MGAT4C: variants seen among roughly 807,000 people sequenced by gnomAD.
MGAT4C encodes alpha-1,3-mannosyl-glycoprotein 4-beta-N-acetylglucosaminyltransferase C.
MGAT4C carries 19 observed loss-of-function variants against 40.1 expected under a neutral mutation model. That is an observed-to-expected ratio of 0.47 (90% CI 0.33 to 0.70). The LOEUF (loss-of-function observed/expected upper bound fraction) is 0.70, where lower values mean the gene tolerates loss of function less well. Among genes scored for constraint, MGAT4C ranks in the 30% least tolerant of loss-of-function variants. The pLI, the probability that MGAT4C is intolerant of heterozygous loss-of-function variation, is 0.02. For missense variants in MGAT4C, 491 were observed against 563.2 expected, an observed-to-expected ratio of 0.87 and a Z score of 1.30; for synonymous variants, 181 against 187.1, an observed-to-expected ratio of 0.97 and a Z score of 0.27.
In MGAT4C at chr12:86,057,363, G is replaced by T. The variant is rs375232322; in HGVS notation, c.-56-7640C>A. 1.2e-4 allele frequency among the ~76,000 whole-genome samples: 19 copies of T among 152,086 alleles called. No homozygotes were observed. The East Asian group carries it at 3.5e-3, about 28-fold the overall frequency. The stretch of plus-strand genomic sequence containing the variant: ...AACTCTGCTGCCAAAAGGAAATTCT[G>T]GTCAGATCCCTCTTTTTTCTGATCC... On this transcript the variant is annotated intron_variant, in intron 1 of 4. Coordinates refer to ENST00000611864, the MANE Select transcript of MGAT4C (RefSeq NM_001351288.2).
intron 1 of MGAT4C, among the ~76,000 whole-genome samples, chr12:86,785,422 A>T (rs541186608): frequency 2.0e-5 from 3 of 152,196 alleles, no homozygotes; most frequent in South Asian, 4.1e-4. Context: ...CTTCCTGAAA[A>T]TTAAATACTT....
At chr12:85,980,831 T>C (rs1884506033) in intron 4 of MGAT4C, among the ~76,000 whole-genome samples, 1 of 152,106 alleles carries the variant, frequency 6.6e-6, no homozygotes, top group South Asian at 2.1e-4. Flanking sequence ...AAAATGCTTT[T>C]TCTCTTTTGC....
intron 1 of MGAT4C, among the ~76,000 whole-genome samples, chr12:86,161,120 A>G (rs1365833932): frequency 6.6e-6 from 1 of 152,146 alleles, no homozygotes. Context: ...TTTCTTTCAA[A>G]CTACCAACAT....
At chr12:86,383,507 C>T (rs906058721) in intron 3 of MGAT4C, among the ~76,000 whole-genome samples, 14 of 136,992 alleles carry the variant, frequency 1.0e-4, no homozygotes, top group Admixed American at 4.0e-4. Flanking sequence ...GCCAAGATCA[C>T]GCCGCTGCAC....
At chr12:86,408,560 T>A (rs2136243289) in intron 3 of MGAT4C, among the ~76,000 whole-genome samples, 1 of 147,474 alleles carries the variant, frequency 6.8e-6, no homozygotes, top group East Asian at 2.0e-4. Context: ...TTATTTTATA[T>A]TTTTTAAATT....
chr12:86,247,901 T>A (rs1025542762), intron 1 of MGAT4C, among the ~76,000 whole-genome samples: 1 of 151,768 alleles, frequency 6.6e-6, no homozygotes, highest in Non-Finnish European at 1.5e-5. Context: ...GGGAAAGGAG[T>A]GTCATGTTCA....
intron 1 of MGAT4C, among the ~76,000 whole-genome samples, chr12:86,755,624 C>CTCCT (rs982949079): frequency 1.4e-5 from 2 of 141,662 alleles, no homozygotes; most frequent in South Asian, 2.2e-4. Flanking sequence ...CTTTCTCTCT[C>CTCCT]TCCTTCCTTC....
chr12:86,787,420 G>A (rs1483428063), intron 1 of MGAT4C, among the ~76,000 whole-genome samples: 1 of 151,858 alleles, frequency 6.6e-6, no homozygotes, highest in East Asian at 1.9e-4. Context: ...TGTGAATAGT[G>A]CTGCAATAAA....
intron 1 of MGAT4C, among the ~76,000 whole-genome samples, chr12:86,180,199 G>C (rs1887956772): frequency 6.6e-6 from 1 of 152,228 alleles, no homozygotes; most frequent in South Asian, 2.1e-4. Flanking sequence ...GAGCCTGTGG[G>C]TACACAGAAG....
intron 2 of MGAT4C, among the ~76,000 whole-genome samples, chr12:86,542,160 C>T (rs771996989): frequency 1.3e-5 from 2 of 152,014 alleles, no homozygotes; most frequent in Admixed American, 1.3e-4. Context: ...GAATCTGAAA[C>T]GCTGGGGAAA....
chr12:86,292,874 C>G (rs919650379), intron 4 of MGAT4C, among the ~76,000 whole-genome samples: 2 of 149,430 alleles, frequency 1.3e-5, no homozygotes, highest in Non-Finnish European at 3.0e-5. Context: ...TTTGGGACTT[C>G]TAAATTATAA....
chr12:86,784,060 C>G (rs1404718417), intron 1 of MGAT4C, among the ~76,000 whole-genome samples: 4 of 152,060 alleles, frequency 2.6e-5, no homozygotes, highest in African/African-American at 9.7e-5. Context: ...TGCCATGACT[C>G]CACCTCCACC....
intron 2 of MGAT4C, among the ~76,000 whole-genome samples, chr12:86,472,396 A>G (rs945712035): frequency 6.6e-6 from 1 of 152,124 alleles, no homozygotes; most frequent in Non-Finnish European, 1.5e-5. Flanking sequence ...TGGTGACCAG[A>G]TCCTTTTTTG....
chr12:86,447,537 T>C (rs180912570), intron 2 of MGAT4C, among the ~76,000 whole-genome samples: 1 of 152,166 alleles, frequency 6.6e-6, no homozygotes, highest in South Asian at 2.1e-4. Flanking sequence ...TTACCCTTCA[T>C]GAGTACCAGT....
At chr12:85,985,739 GT>G (rs960286007) in intron 3 of MGAT4C, among the ~76,000 whole-genome samples, 3 of 151,960 alleles carry the variant, frequency 2.0e-5, no homozygotes, top group African/African-American at 7.2e-5. Flanking sequence ...TTTCATTGGT[GT>G]TTACCTGCAT....
Position 85,956,068 on chromosome 12 carries a change from T to C in MGAT4C, c.*23221A>G, listed in dbSNP as rs1278960631. On this transcript the variant is annotated 3_prime_UTR_variant, in exon 5 of 5. Coordinates refer to ENST00000611864, the MANE Select transcript of MGAT4C (RefSeq NM_001351288.2). ...AAGTCTGATTTTTACAAAACTAGAT[T>C]AATGAAAAATCACGACTGAAATCAC... is the stretch of plus-strand genomic sequence containing the variant. The C allele has an allele frequency of 6.6e-6, 1 of 152,210 alleles. No individual in the cohort carries two copies. The highest frequency in any genetic ancestry group is 2.4e-5 in the African/African-American group (1 of 41,472). The allele number at this position is 152,210 out of a possible 1,614,324, so 9.4% of individuals were successfully genotyped here.
chr12:86,575,102 T>C (rs1478075372), intron 2 of MGAT4C, among the ~76,000 whole-genome samples: 2 of 151,664 alleles, frequency 1.3e-5, no homozygotes, highest in Non-Finnish European at 3.0e-5. Flanking sequence ...ATAATCTCTC[T>C]AGACTCATCT....
intron 2 of MGAT4C, among the ~76,000 whole-genome samples, chr12:86,511,965 A>G (rs1044374509): frequency 2.6e-5 from 4 of 152,174 alleles, no homozygotes; most frequent in Admixed American, 2.6e-4. Context: ...GCAATTTATG[A>G]ATTTGGAGAA....
intron 2 of MGAT4C, among the ~76,000 whole-genome samples, chr12:86,584,286 TCAAA>T (rs1319121679): frequency 6.6e-6 from 1 of 150,856 alleles, no homozygotes; most frequent in Non-Finnish European, 1.5e-5. Context: ...TTAGGATGTC[TCAAA>T]CAAAATTAAT....
Sources: allele counts gnomAD v4.1 joint callset (sites outside exome capture counted in the v4.1 genomes callset), GRCh38; gene constraint gnomAD v4.1.1; transcripts MANE v1.5; gene names NCBI Gene and HGNC (gene_info 2026-07-23, HGNC 2026-07-21).